Variants in CNTNAP2 observed in about 807,000 individuals in gnomAD.
The protein encoded by CNTNAP2 is contactin associated protein 2, also known as contactin-associated protein-like 2.
CNTNAP2 carries 98 observed loss-of-function variants against 155.2 expected under a neutral mutation model. The ratio of observed to expected loss-of-function variants is 0.63; its 90% CI spans 0.54 to 0.75. The LOEUF (loss-of-function observed/expected upper bound fraction) is 0.75, where lower values mean the gene tolerates loss of function less well. Among genes scored for constraint, CNTNAP2 ranks in the 30% least tolerant of loss-of-function variants. The probability of loss-of-function intolerance (pLI) is 0.00; values close to 1 mark genes in which losing one functional copy is unlikely to be tolerated. For synonymous variants in CNTNAP2, 651 were observed against 631.2 expected, an observed-to-expected ratio of 1.03 and a Z score of -0.47; for missense variants, 1,727 against 1,688.1, an observed-to-expected ratio of 1.02 and a Z score of -0.40.
At chr7:147,122,163 A>C in intron 6 of CNTNAP2, 1 of 152,150 alleles carries the variant, frequency 6.6e-6, no homozygotes, top group East Asian at 1.9e-4. Context: ...GCAACAGAGC[A>C]AAACTGCCTC....
intron 8 of CNTNAP2, among the ~76,000 whole-genome samples, chr7:147,233,316 C>A (rs10250389): frequency 6.6e-6 from 1 of 151,930 alleles, no homozygotes; most frequent in South Asian, 2.1e-4. Context: ...GTCACCTGTG[C>A]GCAGCTGCTG....
chr7:147,833,504 G>C (rs948424814), intron 13 of CNTNAP2, among the ~76,000 whole-genome samples: 1 of 152,160 alleles, frequency 6.6e-6, no homozygotes, highest in Non-Finnish European at 1.5e-5. Context: ...TGACGGAAAG[G>C]AGTCCTGAGG....
At chr7:146,895,355 CTT>C (rs1795854858) in intron 3 of CNTNAP2, among the ~76,000 whole-genome samples, 1 of 148,044 alleles carries the variant, frequency 6.8e-6, no homozygotes, top group South Asian at 2.2e-4. Context: ...CTCTTTCTCT[CTT>C]TCTTTTTTCC....
At chr7:147,997,245 G>T (rs1289127362) in intron 15 of CNTNAP2, among the ~76,000 whole-genome samples, 1 of 152,170 alleles carries the variant, frequency 6.6e-6, no homozygotes. Context: ...CTCCGTTCTT[G>T]TCTTCTTAGT....
At chr7:147,464,488 A>T (rs946671306) in intron 10 of CNTNAP2, among the ~76,000 whole-genome samples, 32 of 151,400 alleles carry the variant, frequency 2.1e-4, no homozygotes, top group Non-Finnish European at 3.2e-4. Context: ...AAAAAAAAAA[A>T]AAGTGCGTGT....
chr7:146,826,857 T>TAGAG (rs1554485885), intron 2 of CNTNAP2, among the ~76,000 whole-genome samples: 3,751 of 138,906 alleles, frequency 0.027, 180 homozygotes, highest in African/African-American at 0.094. Flanking sequence ...TATATATATA[T>TAGAG]AGAGAGAGAG....
chr7:147,154,110 A>C (rs1448452125), intron 8 of CNTNAP2, among the ~76,000 whole-genome samples: 1 of 138,116 alleles, frequency 7.2e-6, no homozygotes, highest in Non-Finnish European at 1.5e-5. Context: ...CTCCCCCCAC[A>C]AAAAAAAAGA....
chr7:146,298,122 T>C (rs1800545400), intron 1 of CNTNAP2, among the ~76,000 whole-genome samples: 2 of 152,138 alleles, frequency 1.3e-5, no homozygotes, highest in African/African-American at 4.8e-5. Flanking sequence ...GGAGGTAGAA[T>C]CAAAGAATAA....
At chr7:148,404,532 C>T (rs979791603) in intron 22 of CNTNAP2, among the ~76,000 whole-genome samples, 19 of 152,176 alleles carry the variant, frequency 1.2e-4, no homozygotes, top group Admixed American at 2.0e-4. Context: ...TTTTGCGGGA[C>T]GGCGAGCACA....
chr7:148,172,261 G>C lies in CNTNAP2; in HGVS notation c.2793G>C (p.Gln931His), dbSNP rs768170033. ...TCCCAGGTGGTGCTGGGGGCCAGCA[G>C]GGCTTCCTGGGCTGCATCCGCTCCT... is the stretch of plus-strand genomic sequence containing the variant. ...QLFVGGAGGQ[Q>H]GFLGCIRSLR... is the part of the protein sequence containing the mutation. The change falls in exon 18 of 24, where the codon CAG (glutamine) becomes CAC (histidine). Residue 931 changes from glutamine (Q) to histidine (H), a missense_variant. By Grantham distance (24) the Gln-to-His change is conservative. Coordinates refer to ENST00000361727, the MANE Select transcript of CNTNAP2 (RefSeq NM_014141.6). 9.3e-6 allele frequency: 15 copies of C among 1,613,874 alleles called. No individual in the cohort carries two copies. In the Admixed American group the frequency reaches 2.5e-4, roughly 27 times the overall value.
At chr7:148,267,861 C>G (rs570474074) in intron 21 of CNTNAP2, among the ~76,000 whole-genome samples, 1 of 152,118 alleles carries the variant, frequency 6.6e-6, no homozygotes, top group African/African-American at 2.4e-5. Flanking sequence ...TGTAATTTAA[C>G]GTTTCCTTTG....
chr7:147,042,329 G>A (rs1019532824), intron 3 of CNTNAP2, among the ~76,000 whole-genome samples: 4 of 152,130 alleles, frequency 2.6e-5, no homozygotes, highest in Non-Finnish European at 5.9e-5. Flanking sequence ...TGGATTGCTG[G>A]TACCATCTAA....
intron 9 of CNTNAP2, among the ~76,000 whole-genome samples, chr7:147,323,287 G>A (rs535837599): frequency 4.2e-5 from 5 of 118,260 alleles, no homozygotes; most frequent in Non-Finnish European, 6.7e-5. Flanking sequence ...CTTTGTTCTC[G>A]TTGGTTTCAA....
At chr7:147,728,302 G>A (rs190898091) in intron 13 of CNTNAP2, among the ~76,000 whole-genome samples, 1 of 152,128 alleles carries the variant, frequency 6.6e-6, no homozygotes, top group African/African-American at 2.4e-5. Flanking sequence ...CTGTTTCTCA[G>A]GTGAAGCGAA....
intron 1 of CNTNAP2, among the ~76,000 whole-genome samples, chr7:146,189,721 C>A (rs1373491945): frequency 6.6e-6 from 1 of 152,146 alleles, no homozygotes; most frequent in Admixed American, 6.6e-5. Flanking sequence ...GCAGGTGCGA[C>A]TGAGTGAGGG....
chr7:146,382,913 C>G (rs1795410760), intron 1 of CNTNAP2, among the ~76,000 whole-genome samples: 1 of 151,918 alleles, frequency 6.6e-6, no homozygotes, highest in Non-Finnish European at 1.5e-5. Flanking sequence ...CTACATAAAA[C>G]CTTTGAAAAT....
intron 1 of CNTNAP2, among the ~76,000 whole-genome samples, chr7:146,607,608 C>T (rs1799069240): frequency 6.6e-6 from 1 of 151,970 alleles, no homozygotes; most frequent in South Asian, 2.1e-4. Context: ...TGCCAAGTAG[C>T]TGGGATTACA....
chr7:146,864,621 G>A (rs1795166911), intron 3 of CNTNAP2, among the ~76,000 whole-genome samples: 1 of 152,114 alleles, frequency 6.6e-6, no homozygotes, highest in Non-Finnish European at 1.5e-5. Flanking sequence ...AATAGAAGAA[G>A]TAGGCCTGTC....
chr7:148,334,146 C>T (rs1331764023), intron 21 of CNTNAP2, among the ~76,000 whole-genome samples: 1 of 152,182 alleles, frequency 6.6e-6, no homozygotes, highest in Non-Finnish European at 1.5e-5. Flanking sequence ...GCATGACTTA[C>T]GTTCTTTTAT....
Sources: gnomAD v4.1 joint callset for allele counts (sites outside exome capture counted in the v4.1 genomes callset) on GRCh38, gnomAD v4.1.1 for gene constraint, MANE v1.5 for transcripts, NCBI Gene and HGNC (gene_info 2026-07-23, HGNC 2026-07-21) for gene names.